The following IPO11 variants were observed in gnomAD, a reference collection of about 807,000 sequenced individuals.
IPO11 encodes the protein importin-11.
IPO11 carries 66 observed loss-of-function variants against 143.2 expected under a neutral mutation model. The ratio of observed to expected loss-of-function variants is 0.46; its 90% confidence interval spans 0.38 to 0.57. The LOEUF is 0.57. Among genes scored for constraint, IPO11 ranks in the 20% least tolerant of loss-of-function variants. IPO11 has a pLI of 0.00. For synonymous variants in IPO11, 385 were observed against 377.8 expected (o/e 1.02, Z -0.22); for missense variants, 1,026 against 1,141.0 (o/e 0.90, Z 1.45).
At chr5:62,598,553 C>T (rs368715496) in intron 28 of IPO11, among the ~76,000 whole-genome samples, 117 of 8,082 alleles carry the variant, frequency 0.014, 18 homozygotes, top group African/African-American at 0.02. Context: ...TCTTTTCTTT[C>T]TTTTTTTTTT....
chr5:62,506,042 A>G (rs1031387647), intron 18 of IPO11, among the ~76,000 whole-genome samples, 199 bp from the exon 19 acceptor site: 1 of 152,154 alleles, frequency 6.6e-6, no homozygotes, highest in Non-Finnish European at 1.5e-5. Flanking sequence ...GCAGCAATGA[A>G]GAAAGAAAAC....
chr5:62,463,825 ATT>A (rs1216895535), intron 5 of IPO11, among the ~76,000 whole-genome samples: 26 of 143,748 alleles, frequency 1.8e-4, no homozygotes, highest in Admixed American at 2.1e-4. Flanking sequence ...TTACTTCTGT[ATT>A]TTTTTTTTTT....
intron 22 of IPO11, among the ~76,000 whole-genome samples, chr5:62,535,545 G>C (rs575040917): frequency 6.6e-6 from 1 of 151,856 alleles, no homozygotes; most frequent in Non-Finnish European, 1.5e-5. Context: ...ACAGTTTTTG[G>C]TTTTTTTATG....
At chr5:62,524,014 T>TG (rs1296668081) in intron 20 of IPO11, among the ~76,000 whole-genome samples, 1 of 152,188 alleles carries the variant, frequency 6.6e-6, no homozygotes, top group African/African-American at 2.4e-5. Flanking sequence ...TTACATGTTA[T>TG]GTAATTATAG....
chr5:62,446,364 GTTAA>G (rs751595560), intron 3 of IPO11, among the ~76,000 whole-genome samples: 4 of 152,130 alleles, frequency 2.6e-5, no homozygotes, highest in African/African-American at 9.7e-5. Flanking sequence ...AGTAGATATT[GTTAA>G]TTAATTTTCT....
intron 27 of IPO11, among the ~76,000 whole-genome samples, chr5:62,578,142 T>A (rs1744390505): frequency 6.6e-6 from 1 of 152,096 alleles, no homozygotes; most frequent in South Asian, 2.1e-4. Context: ...GTCAGTAAGT[T>A]GGTATGCAGC....
rs187710837 is a variant in IPO11, at chr5:62,470,391, A to T, written c.708+83A>T. The T allele has an allele frequency of 6.7e-6, 8 of 1,190,964 alleles. No homozygotes were observed. The East Asian group carries it at 1.9e-4, about 28-fold the overall frequency. The allele number at this position is 1,190,964 out of a possible 1,614,324, so 73.8% of individuals were successfully genotyped here. On this transcript the variant is annotated intron_variant, in intron 7 of 29. Transcript: ENST00000325324. The stretch of plus-strand genomic sequence containing the variant: ...TGAAAGAGTGCTCTTTTTATTTGGC[A>T]TTCAATTAGAAGAGTTTTTATTAAG...
chr5:62,570,497 A>G (rs1347642967), intron 27 of IPO11, among the ~76,000 whole-genome samples: 3 of 152,206 alleles, frequency 2.0e-5, no homozygotes, highest in South Asian at 2.1e-4. Context: ...TGACACTAAT[A>G]CAATAGCATT....
Position 62,580,294 on chromosome 5 carries a change from AATG to A in IPO11, c.2583-11280_2583-11278del, listed in dbSNP as rs1163675306. On this transcript the variant is annotated intron_variant, in intron 27 of 29. Coordinates refer to ENST00000325324, the MANE Select transcript of IPO11 (RefSeq NM_016338.5). ...TCTTAAACATTTGATCTTAAGTCAT[AATG>A]ATTTAGAGAATTTAAATTCTGACAC... 3.3e-6 allele frequency: 5 copies of A among 1,538,136 alleles called. No homozygotes were observed. The African/African-American group carries it at 5.5e-5, about 17-fold the overall frequency.
chr5:62,551,469 T>C lies in IPO11; in HGVS notation c.2460+133T>C, dbSNP rs1042752728. 2.7e-4 allele frequency: 140 copies of C among 510,468 alleles called. 2 individuals are homozygous for C. The highest frequency in any genetic ancestry group is 7.0e-4 in the Admixed American group (22 of 31,562). 31.6% of individuals were successfully genotyped at this position (510,468 alleles called of 1,614,324 possible). A position where few individuals can be genotyped will look rare whatever the true frequency, so the allele number is the denominator to read the frequency against. ...CCTTTACATTTTAAATCTTTATTTA[T>C]GCTGTATCAATAATTTGGGGTAGAA... On this transcript the variant is annotated intron_variant, in intron 26 of 29. Coordinates refer to ENST00000325324, the MANE Select transcript of IPO11 (RefSeq NM_016338.5).
intron 27 of IPO11, chr5:62,581,281 A>G (rs1744550679): frequency 1.3e-6 from 2 of 1,527,492 alleles, no homozygotes; most frequent in Non-Finnish European, 1.8e-6. Context: ...GGCACAGGTC[A>G]TTCTTTTTGA....
intron 2 of IPO11, among the ~76,000 whole-genome samples, chr5:62,438,752 C>CAA (rs978689238): frequency 7.9e-6 from 1 of 127,114 alleles, no homozygotes; most frequent in Non-Finnish European, 1.6e-5. Context: ...AACTCCATCT[C>CAA]AAAAAAAAAA....
chr5:62,463,672 CAA>C lies in IPO11; in HGVS notation c.517-3446_517-3445del, dbSNP rs34276216. Among the ~76,000 whole-genome samples the C allele has an allele frequency of 9.5e-3, 1,083 of 113,958 alleles. 12 individuals are homozygous for C. Among genetic ancestry groups the C allele is most frequent in the African/African-American group, 0.033 (1,010 of 30,606 alleles). 74.8% of individuals were successfully genotyped at this position (113,958 alleles called of 152,430 possible). A position where few individuals can be genotyped will look rare whatever the true frequency, so the allele number is the denominator to read the frequency against. The stretch of plus-strand genomic sequence containing the variant: ...GGCAACAGAGTGAGACTCTTTGTCT[CAA>C]AAAAAAAAAAAAGTTTAAACAGAAC... On this transcript the variant is annotated intron_variant, in intron 5 of 29. Transcript: ENST00000325324.
intron 28 of IPO11, among the ~76,000 whole-genome samples, chr5:62,598,702 G>A (rs1306480609): frequency 1.3e-5 from 2 of 150,542 alleles, no homozygotes; most frequent in African/African-American, 4.9e-5. Context: ...GTGCCACCAC[G>A]CCTGGCTAAT....
chr5:62,543,285 G>A (rs1055485500), intron 24 of IPO11, among the ~76,000 whole-genome samples: 2 of 152,176 alleles, frequency 1.3e-5, no homozygotes, highest in Non-Finnish European at 2.9e-5. Context: ...TGTACCTCTG[G>A]TAGAATTCGG....
At chr5:62,474,499 A>G in intron 8 of IPO11, 35 bp downstream of exon 8, 1 of 1,455,272 alleles carries the variant, frequency 6.9e-7, no homozygotes, top group South Asian at 1.2e-5. Flanking sequence ...TTTACTGTAG[A>G]ATTTTTATTC....
At chr5:62,414,906 T>A (rs552213883) in intron 1 of IPO11, among the ~76,000 whole-genome samples, 288 of 152,358 alleles carry the variant, frequency 1.9e-3, no homozygotes, top group African/African-American at 6.6e-3. Flanking sequence ...CTGATGAAAC[T>A]GAGGCCCAGA....
At chr5:62,595,048 T>C (rs1745165468) in intron 28 of IPO11, among the ~76,000 whole-genome samples, 1 of 152,222 alleles carries the variant, frequency 6.6e-6, no homozygotes, top group South Asian at 2.1e-4. Context: ...AAGGGGTAGA[T>C]GCTGGTGCGT....
At chr5:62,448,967 AATTT>A (rs1744814728) in intron 3 of IPO11, among the ~76,000 whole-genome samples, 1 of 152,230 alleles carries the variant, frequency 6.6e-6, no homozygotes, top group South Asian at 2.1e-4. Context: ...TAATTTAATT[AATTT>A]AATTCTGATA....
Sources: allele counts gnomAD v4.1 joint callset (sites outside exome capture counted in the v4.1 genomes callset), GRCh38; gene constraint gnomAD v4.1.1; transcripts MANE v1.5; gene names NCBI Gene and HGNC (gene_info 2026-07-23, HGNC 2026-07-21).